The following MX1 variants were observed in gnomAD, a reference collection of about 807,000 sequenced individuals.
MX1 encodes interferon-induced GTP-binding protein Mx1.
MX1 carries 66 observed loss-of-function variants against 66.4 expected under a neutral mutation model. The ratio of observed to expected loss-of-function variants is 0.99; its 90% CI spans 0.82 to 1.22. The LOEUF is 1.22. MX1 is among the 50% of genes most tolerant of loss of function. The pLI, the probability that MX1 is intolerant of heterozygous loss-of-function variation, is 0.00. For missense variants in MX1, 787 were observed against 834.3 expected, an observed-to-expected ratio of 0.94 and a Z score of 0.70; for synonymous variants, 311 against 318.1, an observed-to-expected ratio of 0.98 and a Z score of 0.24.
intron 1 of MX1, chr21:41,421,197 T>C (rs1441580873): frequency 6.6e-6 from 1 of 152,242 alleles, no homozygotes; most frequent in African/African-American, 2.4e-5. Flanking sequence ...TGCATACACA[T>C]AAACGTCTCA....
At chr21:41,435,058 G>T (rs984962111) in intron 5 of MX1, among the ~76,000 whole-genome samples, 1 of 152,166 alleles carries the variant, frequency 6.6e-6, no homozygotes, top group Non-Finnish European at 1.5e-5. Flanking sequence ...TAGATTGATG[G>T]TGTTTTTCAG....
At chr21:41,426,690 C>CT (rs2090069970) in intron 1 of MX1, 1 of 152,268 alleles carries the variant, frequency 6.6e-6, no homozygotes, top group African/African-American at 2.4e-5. Flanking sequence ...CCGTCGACTT[C>CT]TATTTCCTGG....
At chr21:41,420,682 C>G (rs933533060) in exon 1 of MX1, 2 of 152,334 alleles carry the variant, frequency 1.3e-5, no homozygotes, top group African/African-American at 4.8e-5. Context: ...GCCGGCCTTC[C>G]GATTCCCCAT....
rs578249357 is a variant in MX1, at chr21:41,455,183, T to C, written c.1758+2314T>C. Among the ~76,000 whole-genome samples the C allele has an allele frequency of 1.3e-4, 20 of 152,292 alleles. No individual in the cohort carries two copies. The South Asian group carries it at 4.1e-3, about 32-fold the overall frequency. ...CCTCGGCCTCCCAAAGTGCTGGGAT[T>C]ACAGGCGTGAGCCACCATGCCTGGC... is the stretch of plus-strand genomic sequence containing the variant. On this transcript the variant is annotated intron_variant, in intron 16 of 16. Transcript: ENST00000398598.
At chr21:41,433,172 A>G (rs968318198) in intron 5 of MX1, among the ~76,000 whole-genome samples, 1 of 152,204 alleles carries the variant, frequency 6.6e-6, no homozygotes, top group Admixed American at 6.5e-5. Flanking sequence ...AGCCCAGCCC[A>G]TTAGCATCAC....
At chr21:41,437,224 C>T in intron 7 of MX1, 72 bp downstream of exon 7, 2 of 1,548,320 alleles carry the variant, frequency 1.3e-6, no homozygotes, top group South Asian at 1.2e-5. Context: ...ACTGTTCATA[C>T]TCCCACCTCC....
intron 16 of MX1, among the ~76,000 whole-genome samples, chr21:41,453,929 G>A (rs34948558): frequency 0.21 from 31,793 of 152,146 alleles, 3,973 homozygotes; most frequent in Middle Eastern, 0.38. Flanking sequence ...GAGGCCAAAG[G>A]TATGTAGATG....
At chr21:41,446,280 G>A in intron 13 of MX1, 139 bp downstream of exon 13, 1 of 806,244 alleles carries the variant, frequency 1.2e-6, no homozygotes, top group Non-Finnish European at 2.0e-6. Flanking sequence ...TTTGGTGTCT[G>A]GTGAGAGCTT....
chr21:41,436,784 T>G (rs1471006158), intron 6 of MX1, among the ~76,000 whole-genome samples: 1 of 152,178 alleles, frequency 6.6e-6, no homozygotes, highest in East Asian at 1.9e-4. Context: ...GTGGTGGCTT[T>G]CAAGCGTTAG....
At chr21:41,421,790 T>C (rs1398926651), upstream of MX1, 1 of 153,274 alleles carries the variant, frequency 6.5e-6, no homozygotes, top group Non-Finnish European at 1.5e-5. Flanking sequence ...TCTACTTCTT[T>C]CTACACAGAC....
chr21:41,448,926 GGTTTTGTGTGTGTGTGT>G (rs1399394448), intron 13 of MX1, among the ~76,000 whole-genome samples, 194 bp from the exon 14 acceptor site: 24 of 142,946 alleles, frequency 1.7e-4, no homozygotes, highest in African/African-American at 5.4e-4. Context: ...CTTCAGATCT[GGTTTTGTGTGTGTGTGT>G]GTGTGTGTGT....
At chr21:41,444,959 C>T (rs759525626) in intron 11 of MX1, among the ~76,000 whole-genome samples, 3 of 152,068 alleles carry the variant, frequency 2.0e-5, no homozygotes, top group African/African-American at 7.2e-5. Flanking sequence ...AGATGTTTGC[C>T]GTGGAAGGGT....
At chr21:41,455,926 A>G (rs1401142605) in intron 16 of MX1, among the ~76,000 whole-genome samples, 1 of 152,210 alleles carries the variant, frequency 6.6e-6, no homozygotes, top group Non-Finnish European at 1.5e-5. Flanking sequence ...GGGAAACAGA[A>G]CCACAGATAT....
chr21:41,424,885 T>G (rs1299771000), upstream of MX1, among the ~76,000 whole-genome samples: 1 of 152,052 alleles, frequency 6.6e-6, no homozygotes, highest in African/African-American at 2.4e-5. Flanking sequence ...AAAAACAAGG[T>G]AGGATACAGG....
chr21:41,455,062 A>G (rs1358640810), intron 16 of MX1, among the ~76,000 whole-genome samples: 2 of 152,088 alleles, frequency 1.3e-5, no homozygotes, highest in Non-Finnish European at 2.9e-5. Flanking sequence ...TTACCTTGCC[A>G]CCATGCCTAG....
chr21:41,437,276 G>A, intron 7 of MX1, 124 bp downstream of exon 7: 1 of 1,070,168 alleles, frequency 9.3e-7, no homozygotes, highest in Non-Finnish European at 1.4e-6. Context: ...TGCACATCAG[G>A]CCACGGTTCC....
chr21:41,429,124 C>G (rs1035254188), intron 3 of MX1: 1 of 152,308 alleles, frequency 6.6e-6, no homozygotes, highest in Non-Finnish European at 1.5e-5. Context: ...CACCTCTTGG[C>G]TCTTCCAAGG....
chr21:41,449,440 G>T (rs778695854), intron 14 of MX1, 145 bp downstream of exon 14: 14 of 747,418 alleles, frequency 1.9e-5, no homozygotes, highest in Non-Finnish European at 2.7e-5. Flanking sequence ...TGCCAAGTTG[G>T]TATTCAACAA....
chr21:41,436,149 C>A, intron 6 of MX1, 120 bp downstream of exon 6: 1 of 1,183,474 alleles, frequency 8.4e-7, no homozygotes, highest in Non-Finnish European at 1.2e-6. Context: ...AGTCCAAAAT[C>A]AGGGTTTAGC....
Sources: gnomAD v4.1 joint callset for allele counts (sites outside exome capture counted in the v4.1 genomes callset) on GRCh38, gnomAD v4.1.1 for gene constraint, MANE v1.5 for transcripts, NCBI Gene and HGNC (gene_info 2026-07-23, HGNC 2026-07-21) for gene names.